The following GRXCR1 variants were observed in gnomAD, a reference collection of about 807,000 sequenced individuals.
GRXCR1 encodes the protein glutaredoxin and cysteine rich domain containing 1, also known as glutaredoxin domain-containing cysteine-rich protein 1.
In GRXCR1, 27 loss-of-function variants were observed where a neutral mutation model predicts 27.3. The ratio of observed to expected loss-of-function variants is 0.99; its 90% CI spans 0.73 to 1.37. GRXCR1 has a LOEUF of 1.37. Among genes scored for constraint, GRXCR1 ranks in the 40% most tolerant of loss-of-function variants. GRXCR1 has a pLI of 0.00. For missense variants in GRXCR1, 379 were observed against 354.4 expected (o/e 1.07, Z -0.56); for synonymous variants, 122 against 131.1 (o/e 0.93, Z 0.47).
intron 1 of GRXCR1, among the ~76,000 whole-genome samples, chr4:42,945,516 T>C (rs1175525918): frequency 6.6e-6 from 1 of 152,184 alleles, no homozygotes; most frequent in Non-Finnish European, 1.5e-5. Flanking sequence ...TCTATACTTA[T>C]ATTCTCACAG....
chr4:42,893,697 C>T lies in GRXCR1; in HGVS notation c.384+47C>T, dbSNP rs753171902. 5 of 1,564,252 alleles carry T rather than the reference C, an allele frequency of 3.2e-6. No homozygotes were observed. The East Asian group carries it at 6.7e-5, about 21-fold the overall frequency. Reference sequence around the variant, plus strand: ...CTCCTGCTCTTTGTTCCTAACTCACCATCTGAACACCTCTCAGTTCTCCAG... The same window carrying T: ...CTCCTGCTCTTTGTTCCTAACTCACTATCTGAACACCTCTCAGTTCTCCAG... On this transcript the variant is annotated intron_variant, in intron 1 of 3. Transcript: ENST00000399770.
At chr4:42,996,934 A>G (rs916422753) in intron 2 of GRXCR1, among the ~76,000 whole-genome samples, 6 of 151,984 alleles carry the variant, frequency 3.9e-5, no homozygotes, top group Admixed American at 6.6e-5. Context: ...CTTTGTTACA[A>G]TCTCTTGGCC....
chr4:42,906,057 T>G (rs919559876), intron 1 of GRXCR1, among the ~76,000 whole-genome samples: 1 of 152,196 alleles, frequency 6.6e-6, no homozygotes, highest in Non-Finnish European at 1.5e-5. Context: ...TGCCTGTCCT[T>G]GAGGATTTTA....
At chr4:42,995,107 G>A (rs756929596) in intron 2 of GRXCR1, among the ~76,000 whole-genome samples, 1 of 151,856 alleles carries the variant, frequency 6.6e-6, no homozygotes, top group Non-Finnish European at 1.5e-5. Flanking sequence ...CATAAACTTG[G>A]GAATTACTTT....
intron 2 of GRXCR1, among the ~76,000 whole-genome samples, chr4:43,001,120 A>G (rs1205962672): frequency 6.8e-6 from 1 of 148,110 alleles, no homozygotes; most frequent in African/African-American, 2.5e-5. Context: ...TTTTTTGGAG[A>G]GACAAGGTTT....
At position 42,979,986 on chromosome 4, in the gene GRXCR1, A is replaced by G. The variant is rs146823539; in HGVS notation, c.627+16852A>G. On this transcript the variant is annotated intron_variant, in intron 2 of 3. Transcript: ENST00000399770. ...ATAAGTATCTCTTATGACCATTTGTATTTCTCTTGTATCAATTGTAACATC... is the reference window on the plus strand; with the variant it reads ...ATAAGTATCTCTTATGACCATTTGTGTTTCTCTTGTATCAATTGTAACATC... 2.8e-3 allele frequency among the ~76,000 whole-genome samples: 429 copies of G among 151,770 alleles called. 3 individuals carry two copies. Among genetic ancestry groups the G allele is most frequent in the African/African-American group, 1.0e-2 (413 of 41,416 alleles).
In GRXCR1 at chr4:42,963,056, A is replaced by G. The variant is rs775244867; in HGVS notation, c.549A>G (p.Lys183=). ...KNIALNGEYG[K]ELDERCRRVS... The stretch of plus-strand genomic sequence containing the variant: ...TAGCCCTGAATGGTGAATATGGAAA[A>G]GAGTTAGACGAACGATGCCGACGAG... The change falls in exon 2 of 4, where the codon AAA becomes AAG. Residue 183 remains lysine (K), a synonymous_variant. Coordinates refer to ENST00000399770, the MANE Select transcript of GRXCR1 (RefSeq NM_001080476.3). 6.2e-7 allele frequency: 1 copy of G among 1,612,918 alleles called. No individual in the cohort carries two copies. Among genetic ancestry groups the G allele is most frequent in the South Asian group, 1.1e-5 (1 of 91,066 alleles).
chr4:43,028,566 A>G (rs1237309270), intron 3 of GRXCR1, among the ~76,000 whole-genome samples: 1 of 152,196 alleles, frequency 6.6e-6, no homozygotes, highest in African/African-American at 2.4e-5. Context: ...AGCATATTTA[A>G]TGTCATAGCA....
intron 2 of GRXCR1, among the ~76,000 whole-genome samples, chr4:42,966,957 A>G (rs1748251340): frequency 6.6e-6 from 1 of 152,048 alleles, no homozygotes; most frequent in African/African-American, 2.4e-5. Context: ...CTTACTAGAT[A>G]TGTCTTTTGC....
chr4:42,962,916 G>T lies in GRXCR1; in HGVS notation c.409G>T (p.Asp137Tyr). 6.2e-7 allele frequency: 1 copy of T among 1,612,556 alleles called. No homozygotes were observed. Among genetic ancestry groups the T allele is most frequent in the South Asian group, 1.1e-5 (1 of 91,018 alleles). The change falls in exon 2 of 4, where the codon GAC becomes TAC. Residue 137 changes from aspartate to tyrosine, a missense_variant. By Grantham distance (160) the Asp-to-Tyr change is radical. Coordinates refer to ENST00000399770, the MANE Select transcript of GRXCR1 (RefSeq NM_001080476.3). The part of the protein sequence containing the change: ...LQQPSTDLEF[D>Y]RVVIYTTCLR... ...GCAACCATCAACTGATCTAGAATTT[G>T]ACCGTGTAGTGATTTATACCACCTG... is the stretch of plus-strand genomic sequence containing the variant.
At chr4:42,897,892 AG>A in intron 1 of GRXCR1, among the ~76,000 whole-genome samples, 1 of 151,196 alleles carries the variant, frequency 6.6e-6, no homozygotes, top group Non-Finnish European at 1.5e-5. Flanking sequence ...TGTGCCCAAA[AG>A]TTTATAAAGT....
At chr4:42,913,857 C>T (rs1185793573) in intron 1 of GRXCR1, among the ~76,000 whole-genome samples, 1 of 152,200 alleles carries the variant, frequency 6.6e-6, no homozygotes, top group African/African-American at 2.4e-5. Flanking sequence ...GCTGCTTCAG[C>T]TCCAGTGAGG....
At chr4:42,955,352 C>T (rs1220915072) in intron 1 of GRXCR1, among the ~76,000 whole-genome samples, 2 of 152,044 alleles carry the variant, frequency 1.3e-5, no homozygotes, top group Non-Finnish European at 2.9e-5. Flanking sequence ...AGAGGCAAAC[C>T]TCTTTAATTC....
chr4:42,969,831 C>A (rs969473065), intron 2 of GRXCR1, among the ~76,000 whole-genome samples: 1 of 152,092 alleles, frequency 6.6e-6, no homozygotes, highest in Admixed American at 6.6e-5. Flanking sequence ...CCCAACCGTC[C>A]CCCACAGTCT....
intron 2 of GRXCR1, among the ~76,000 whole-genome samples, chr4:43,007,872 C>G (rs972092055): frequency 3.3e-5 from 5 of 152,168 alleles, no homozygotes; most frequent in African/African-American, 1.2e-4. Context: ...GGCTTTTACT[C>G]TCACACCTCA....
chr4:43,021,274 T>C (rs983253987), intron 3 of GRXCR1, among the ~76,000 whole-genome samples: 7 of 152,126 alleles, frequency 4.6e-5, no homozygotes, highest in Admixed American at 1.3e-4. Flanking sequence ...AATGATATTG[T>C]TCCAATTCCT....
chr4:42,971,290 C>T (rs1264670557), intron 2 of GRXCR1, among the ~76,000 whole-genome samples: 1 of 152,122 alleles, frequency 6.6e-6, no homozygotes, highest in African/African-American at 2.4e-5. Context: ...AAAGTCTGCC[C>T]ATTACCCAGT....
chr4:43,006,076 T>G (rs548994981), intron 2 of GRXCR1, among the ~76,000 whole-genome samples: 1 of 152,206 alleles, frequency 6.6e-6, no homozygotes, highest in Non-Finnish European at 1.5e-5. Flanking sequence ...AAACATACAT[T>G]GTAAAGATTT....
At chr4:43,027,812 G>C (rs1413132148) in intron 3 of GRXCR1, among the ~76,000 whole-genome samples, 1 of 152,098 alleles carries the variant, frequency 6.6e-6, no homozygotes, top group Non-Finnish European at 1.5e-5. Context: ...TACTCATTAA[G>C]ATATTGAAAT....
Sources: allele counts gnomAD v4.1 joint callset (sites outside exome capture counted in the v4.1 genomes callset), GRCh38; gene constraint gnomAD v4.1.1; transcripts MANE v1.5; gene names NCBI Gene and HGNC (gene_info 2026-07-23, HGNC 2026-07-21).